ESR1: variants seen among roughly 807,000 people sequenced by gnomAD.
ESR1 encodes the protein estrogen receptor 1.
Under a neutral mutation model 52.7 loss-of-function variants are expected in ESR1, and 12 were observed. That is an observed-to-expected ratio of 0.23 (90% CI 0.15 to 0.37). ESR1 has a LOEUF of 0.37. Among genes scored for constraint, ESR1 ranks in the 10% least tolerant of loss-of-function variants. ESR1 has a pLI of 1.00. For synonymous variants in ESR1, 305 were observed against 316.8 expected (o/e 0.96, Z 0.39); for missense variants, 584 against 779.7 (o/e 0.75, Z 2.99).
intron 2 of ESR1, among the ~76,000 whole-genome samples, chr6:151,741,277 C>G (rs900157028): frequency 2.0e-5 from 3 of 152,078 alleles, no homozygotes; most frequent in Non-Finnish European, 2.9e-5. Flanking sequence ...ATGTGTTGCA[C>G]TATAAAGGCC....
At chr6:151,918,181 G>T (rs113718999) in intron 3 of ESR1, among the ~76,000 whole-genome samples, 1,528 of 152,298 alleles carry the variant, frequency 0.01, 20 homozygotes, top group African/African-American at 0.029. Context: ...TGTTGCAGCT[G>T]CTCCCTTCCC....
chr6:151,850,005 T>TACAA (rs1189050598), intron 2 of ESR1, among the ~76,000 whole-genome samples: 112 of 120,904 alleles, frequency 9.3e-4, no homozygotes, highest in Non-Finnish European at 1.6e-3. Flanking sequence ...TATATATATA[T>TACAA]AATTTTGTAT....
At chr6:151,918,597 G>A (rs150764173) in intron 3 of ESR1, among the ~76,000 whole-genome samples, 1 of 152,178 alleles carries the variant, frequency 6.6e-6, no homozygotes, top group Non-Finnish European at 1.5e-5. Flanking sequence ...TGGATGAGAG[G>A]GAAGGACAGA....
At chr6:151,859,996 C>T (rs760783769) in intron 2 of ESR1, among the ~76,000 whole-genome samples, 10 of 152,174 alleles carry the variant, frequency 6.6e-5, no homozygotes, top group Non-Finnish European at 1.3e-4. Flanking sequence ...ATCATTACCT[C>T]TTGTTGGCTC....
At chr6:151,845,164 A>G (rs1784906276) in intron 2 of ESR1, among the ~76,000 whole-genome samples, 1 of 152,238 alleles carries the variant, frequency 6.6e-6, no homozygotes, top group South Asian at 2.1e-4. Context: ...GAAAAAACAG[A>G]AGGAAAATAT....
chr6:151,798,459 A>G (rs1776918540), intron 2 of ESR1, among the ~76,000 whole-genome samples: 1 of 152,224 alleles, frequency 6.6e-6, no homozygotes, highest in Admixed American at 6.5e-5. Flanking sequence ...TTCTGGATTT[A>G]TGGTACAAAA....
At chr6:151,837,842 A>G (rs184358499) in intron 1 of ESR1, among the ~76,000 whole-genome samples, 5 of 152,310 alleles carry the variant, frequency 3.3e-5, no homozygotes, top group Admixed American at 3.3e-4. Context: ...GAGGTATCTT[A>G]GTAATTTTGC....
chr6:151,660,176 A>G (rs188588838), intron 1 of ESR1, among the ~76,000 whole-genome samples: 1 of 152,332 alleles, frequency 6.6e-6, no homozygotes, highest in East Asian at 1.9e-4. Flanking sequence ...TAATAACTCC[A>G]CAGGATTGTA....
At chr6:152,021,877 T>C (rs2043684879) in intron 5 of ESR1, among the ~76,000 whole-genome samples, 1 of 152,186 alleles carries the variant, frequency 6.6e-6, no homozygotes, top group Admixed American at 6.5e-5. Context: ...TCATTCTCTC[T>C]TGCCTGCTGC....
intron 6 of ESR1, among the ~76,000 whole-genome samples, chr6:152,074,503 A>G (rs2048579005): frequency 6.6e-6 from 1 of 152,174 alleles, no homozygotes. Flanking sequence ...CTACTGAAGG[A>G]TGTGTTGGTT....
chr6:151,859,334 C>A (rs150374539), intron 2 of ESR1, among the ~76,000 whole-genome samples: 1 of 152,158 alleles, frequency 6.6e-6, no homozygotes, highest in Non-Finnish European at 1.5e-5. Flanking sequence ...AAAATAGTTA[C>A]GATTTATCTG....
intron 3 of ESR1, among the ~76,000 whole-genome samples, chr6:151,914,293 C>T (rs1485178813): frequency 4.6e-5 from 7 of 151,150 alleles, no homozygotes; most frequent in South Asian, 2.1e-4. Context: ...TTGACTTTAT[C>T]ATCTTTATAT....
At chr6:151,915,981 G>T (rs1196299293) in intron 3 of ESR1, among the ~76,000 whole-genome samples, 1 of 152,150 alleles carries the variant, frequency 6.6e-6, no homozygotes, top group Non-Finnish European at 1.5e-5. Context: ...GCTTGTTTGA[G>T]ATATTTTCAA....
intron 1 of ESR1, among the ~76,000 whole-genome samples, chr6:151,808,813 C>A (rs1254054514): frequency 6.6e-6 from 1 of 152,112 alleles, no homozygotes; most frequent in Non-Finnish European, 1.5e-5. Context: ...TTTATTTATC[C>A]TTTTAATGTT....
Position 152,098,362 on chromosome 6 carries a change from C to T in ESR1, c.1554-370C>T, listed in dbSNP as rs2050795061. Among the ~76,000 whole-genome samples the T allele has an allele frequency of 6.6e-6, 1 of 152,022 alleles. No individual in the cohort carries two copies. The highest frequency in any genetic ancestry group is 2.4e-5 in the African/African-American group (1 of 41,404). On this transcript the variant is annotated intron_variant, in intron 7 of 7. Transcript: ENST00000206249. This position sits in a 1 kb window ranked among gnomAD's most constrained non-coding sequence, Gnocchi z 5.1. ...ATATCTCATGTTGTCTTTTTAGAAG[C>T]TTTGGCGATCCTATTTGAATGCATT...
intron 6 of ESR1, among the ~76,000 whole-genome samples, chr6:152,066,911 G>A (rs1244949365): frequency 6.6e-6 from 1 of 152,182 alleles, no homozygotes. Flanking sequence ...TCATGGAATT[G>A]TTGTGACAAT....
At chr6:151,691,315 C>T (rs1476045129) in intron 1 of ESR1, among the ~76,000 whole-genome samples, 2 of 152,128 alleles carry the variant, frequency 1.3e-5, no homozygotes, top group East Asian at 1.9e-4. Context: ...ATAATGACTC[C>T]ACCACATATA....
At chr6:151,830,572 C>T (rs1049489831) in intron 1 of ESR1, among the ~76,000 whole-genome samples, 1 of 151,992 alleles carries the variant, frequency 6.6e-6, no homozygotes, top group Non-Finnish European at 1.5e-5. Context: ...TCTTTGGGTT[C>T]CCAGACCTCA....
At chr6:151,905,099 A>G (rs902786679) in intron 3 of ESR1, among the ~76,000 whole-genome samples, 1 of 152,350 alleles carries the variant, frequency 6.6e-6, no homozygotes, top group East Asian at 1.9e-4. Flanking sequence ...AAACATTGGG[A>G]ATATTTAAAA....
Sources: allele counts gnomAD v4.1 joint callset (sites outside exome capture counted in the v4.1 genomes callset), GRCh38; gene constraint gnomAD v4.1.1; non-coding constraint Gnocchi (gnomAD v3.1); transcripts MANE v1.5; gene names NCBI Gene and HGNC (gene_info 2026-07-23, HGNC 2026-07-21).